Variants in ADARB2 observed in about 807,000 individuals in gnomAD.
ADARB2 encodes adenosine deaminase RNA specific B2 (inactive).
ADARB2 carries 25 observed loss-of-function variants against 62.2 expected under a neutral mutation model. The observed-to-expected ratio is 0.40, with a 90% CI of 0.29 to 0.56. The LOEUF is 0.56. Ranked by LOEUF, ADARB2 falls within the 20% of genes least tolerant of loss-of-function variation. The probability of loss-of-function intolerance (pLI) is 0.43; values close to 1 mark genes in which losing one functional copy is unlikely to be tolerated. For synonymous variants in ADARB2, 572 were observed against 500.8 expected, an observed-to-expected ratio of 1.14 and a Z score of -1.90; for missense variants, 1,071 against 1,077.4, an observed-to-expected ratio of 0.99 and a Z score of 0.08.
intron 1 of ADARB2, among the ~76,000 whole-genome samples, chr10:1,581,042 T>A (rs951470991): frequency 6.6e-6 from 1 of 152,166 alleles, no homozygotes; most frequent in African/African-American, 2.4e-5. Context: ...TGTGCAGGAT[T>A]TTGTGTGGAC....
Position 1,574,189 on chromosome 10 carries a change from C to T in ADARB2, c.100+162862G>A, listed in dbSNP as rs188888057. ...AGGAGGAGCCACAAGTGATGTGGGCCGAGAGCACGGAACGGACAGCCTCTT... is the reference window on the plus strand; with the variant it reads ...AGGAGGAGCCACAAGTGATGTGGGCTGAGAGCACGGAACGGACAGCCTCTT... On this transcript the variant is annotated intron_variant, in intron 1 of 9. Transcript: ENST00000381312. Among the ~76,000 whole-genome samples the T allele has an allele frequency of 3.8e-4, 58 of 152,216 alleles. 1 individual carries two copies. The highest frequency in any genetic ancestry group is 1.2e-3 in the African/African-American group (48 of 41,546).
chr10:1,575,419 T>C (rs1832997366), intron 1 of ADARB2, among the ~76,000 whole-genome samples: 1 of 152,096 alleles, frequency 6.6e-6, no homozygotes, highest in African/African-American at 2.4e-5. Context: ...GTGGTGATCG[T>C]GGAGAATAAT....
chr10:1,223,634 G>T (rs1408715742), intron 6 of ADARB2, among the ~76,000 whole-genome samples: 2 of 152,074 alleles, frequency 1.3e-5, no homozygotes, highest in Admixed American at 6.6e-5. Flanking sequence ...TACCATGAAG[G>T]GTTGTTGAAT....
At chr10:1,194,941 T>C (rs1008604436) in intron 8 of ADARB2, among the ~76,000 whole-genome samples, 1 of 152,234 alleles carries the variant, frequency 6.6e-6, no homozygotes, top group Non-Finnish European at 1.5e-5. Context: ...CAATATTCTA[T>C]TTATAATTTT....
intron 3 of ADARB2, among the ~76,000 whole-genome samples, chr10:1,335,883 A>T (rs979784026): frequency 5.3e-5 from 8 of 152,224 alleles, no homozygotes; most frequent in Non-Finnish European, 8.8e-5. Context: ...GACCCGCTGC[A>T]ATCCCCGTGT....
At chr10:1,549,203 G>A (rs1180874221) in intron 1 of ADARB2, among the ~76,000 whole-genome samples, 5 of 121,130 alleles carry the variant, frequency 4.1e-5, no homozygotes, top group Non-Finnish European at 7.2e-5. Context: ...GGGGTGGGGC[G>A]TGGAGCTGGG....
intron 1 of ADARB2, among the ~76,000 whole-genome samples, chr10:1,552,833 G>A (rs552542921): frequency 3.0e-4 from 45 of 152,360 alleles, no homozygotes; most frequent in African/African-American, 1.0e-3. Context: ...AAATGGAATG[G>A]ATCCTTGTGG....
At chr10:1,661,286 T>C (rs1353024931) in intron 1 of ADARB2, among the ~76,000 whole-genome samples, 2 of 152,204 alleles carry the variant, frequency 1.3e-5, no homozygotes, top group Admixed American at 1.3e-4. Context: ...CATAATTGGG[T>C]ACATTCCCAG....
At chr10:1,271,717 G>A (rs1246577860) in intron 3 of ADARB2, among the ~76,000 whole-genome samples, 1 of 152,220 alleles carries the variant, frequency 6.6e-6, no homozygotes, top group Non-Finnish European at 1.5e-5. Context: ...GGTGACTCCT[G>A]GTCTCTGGGA....
At chr10:1,401,683 G>A (rs780626183) in intron 1 of ADARB2, among the ~76,000 whole-genome samples, 2 of 152,170 alleles carry the variant, frequency 1.3e-5, no homozygotes, top group East Asian at 1.9e-4. Context: ...GCTTCACGGC[G>A]GTTTGGGAGT....
chr10:1,687,022 A>G (rs1834605112), intron 1 of ADARB2, among the ~76,000 whole-genome samples: 1 of 145,400 alleles, frequency 6.9e-6, no homozygotes, highest in African/African-American at 2.5e-5. Flanking sequence ...ATGGGTCATG[A>G]CATTGCCTTT....
At chr10:1,591,817 T>A (rs1389498130) in intron 1 of ADARB2, among the ~76,000 whole-genome samples, 1 of 152,196 alleles carries the variant, frequency 6.6e-6, no homozygotes, top group African/African-American at 2.4e-5. Context: ...TCAGCACAAT[T>A]TCATCTATTA....
chr10:1,339,607 C>T (rs376044537), intron 3 of ADARB2, among the ~76,000 whole-genome samples: 2 of 152,194 alleles, frequency 1.3e-5, no homozygotes, highest in African/African-American at 4.8e-5. Flanking sequence ...TGGATTCTTG[C>T]CAAACTTTGA....
chr10:1,363,207 C>T lies in ADARB2; in HGVS notation c.898G>A (p.Glu300Lys), dbSNP rs191180422. ...LRYVCLAEPA[E>K]RRARSFVMAV... ...ATCACGAAGCTCCGCGCGCGCCGCT[C>T]GGCCGGTTCTGCCAGACACACGTAG... The change falls in exon 3 of 10, where the codon GAG (glutamate) becomes AAG (lysine). Residue 300 changes from glutamate to lysine, a missense_variant. Physicochemically the swap from Glu to Lys is moderately conservative, Grantham distance 56. Transcript: ENST00000381312. The T allele has an allele frequency of 5.6e-3, 8,313 of 1,473,340 alleles. 35 individuals carry two copies. The highest frequency in any genetic ancestry group is 6.6e-3 in the Non-Finnish European group (7,332 of 1,114,520). 91.3% of individuals were successfully genotyped at this position (1,473,340 alleles called of 1,614,324 possible).
intron 1 of ADARB2, among the ~76,000 whole-genome samples, chr10:1,535,941 T>C (rs919802321): frequency 2.0e-5 from 3 of 152,114 alleles, no homozygotes; most frequent in African/African-American, 4.8e-5. Context: ...TTCCTTTCAT[T>C]TGAAAGGGAG....
chr10:1,726,676 T>G (rs147330519), intron 1 of ADARB2, among the ~76,000 whole-genome samples: 1,582 of 152,320 alleles, frequency 0.01, 12 homozygotes, highest in Middle Eastern at 0.031. Flanking sequence ...AGGCAGCACT[T>G]GCCCTGAGCT....
intron 1 of ADARB2, among the ~76,000 whole-genome samples, chr10:1,399,223 T>C (rs1487641928): frequency 6.6e-6 from 1 of 152,110 alleles, no homozygotes; most frequent in African/African-American, 2.4e-5. Flanking sequence ...TCTAAGAGGC[T>C]GAAGGAGGGT....
chr10:1,362,576 G>A (rs1832268616), intron 3 of ADARB2, among the ~76,000 whole-genome samples: 1 of 152,198 alleles, frequency 6.6e-6, no homozygotes, highest in South Asian at 2.1e-4. Context: ...GCCTCCCAGC[G>A]CGATTCTCCC....
chr10:1,725,938 A>G (rs1835158820), intron 1 of ADARB2, among the ~76,000 whole-genome samples: 1 of 152,256 alleles, frequency 6.6e-6, no homozygotes, highest in Admixed American at 6.5e-5. Context: ...ACAGGGGCTA[A>G]CCCCAGAATT....
Sources: allele counts gnomAD v4.1 joint callset (sites outside exome capture counted in the v4.1 genomes callset), GRCh38; gene constraint gnomAD v4.1.1; transcripts MANE v1.5; gene names NCBI Gene and HGNC (gene_info 2026-07-23, HGNC 2026-07-21).